Variants in WDR62 observed in about 807,000 individuals in gnomAD.
The protein encoded by WDR62 is WD repeat domain 62.
In WDR62, 112 loss-of-function variants were observed where a neutral mutation model predicts 160.6. That is an observed-to-expected ratio of 0.70 (90% CI 0.60 to 0.82). The LOEUF (loss-of-function observed/expected upper bound fraction) is 0.82, where lower values mean the gene tolerates loss of function less well. WDR62 is among the 40% of genes least tolerant of loss of function. WDR62 has a pLI of 0.00. For synonymous variants in WDR62, 792 were observed against 815.1 expected (o/e 0.97, Z 0.48); for missense variants, 1,819 against 1,983.8 (o/e 0.92, Z 1.58).
chr19:36,108,697 T>A (rs545617234), downstream of WDR62, among the ~76,000 whole-genome samples: 66 of 151,820 alleles, frequency 4.3e-4, no homozygotes, highest in South Asian at 0.013. Flanking sequence ...CTACAAAAAA[T>A]TTTAAAATTA....
chr19:36,071,477 G>A, intron 7 of WDR62, 79 bp from the exon 8 acceptor site: 1 of 1,564,828 alleles, frequency 6.4e-7, no homozygotes, highest in African/African-American at 1.3e-5. Context: ...GAGGCCTAAG[G>A]CTGCTCTGTC....
rs35753706 is a variant in WDR62, at chr19:36,085,414, C to CTTTTTTTTTTTTTTTTTTTTTTTTT, written c.1642+693_1642+694insTTTTTTTTTTTTTTTTTTTTTTTTT. ...TAGGGCATGAGCCACCACACCTGAC[C>CTTTTTTTTTTTTTTTTTTTTTTTTT]TTTTTTTTTTTTTTTTTTTTTTTGA... On this transcript the variant is annotated intron_variant, in intron 12 of 31. Coordinates refer to ENST00000401500, the MANE Select transcript of WDR62 (RefSeq NM_001083961.2). Among the ~76,000 whole-genome samples, 2 of 70,402 alleles carry CTTTTTTTTTTTTTTTTTTTTTTTTT rather than the reference C, an allele frequency of 2.8e-5. 1 individual carries two copies. Among genetic ancestry groups the CTTTTTTTTTTTTTTTTTTTTTTTTT allele is most frequent in the African/African-American group, 9.3e-5 (2 of 21,472 alleles). 46.2% of individuals were successfully genotyped at this position (70,402 alleles called of 152,430 possible).
intron 9 of WDR62, among the ~76,000 whole-genome samples, chr19:36,076,414 C>T (rs983831867): frequency 3.9e-5 from 6 of 151,968 alleles, no homozygotes; most frequent in East Asian, 1.9e-4. Flanking sequence ...AAAAATTAGC[C>T]GGGCATGGTG....
Position 36,069,096 on chromosome 19 carries a change from G to A in WDR62, c.882+1086G>A, listed in dbSNP as rs527346341. ...GGGGCTAACCCCCCACCTCCCTCCC[G>A]GACGGAGCGGCTGGCCGGGCGGGGG... is the stretch of plus-strand genomic sequence containing the variant. On this transcript the variant is annotated intron_variant, in intron 7 of 31. Transcript: ENST00000401500. Among the ~76,000 whole-genome samples, 208 of 150,396 alleles carry A rather than the reference G, an allele frequency of 1.4e-3. 2 individuals carry two copies. The highest frequency in any genetic ancestry group is 5.0e-3 in the African/African-American group (203 of 40,984).
rs1008506596 is a variant in WDR62 at position 36,092,904 on chromosome 19, C to G, written c.2333+93C>G. ...GGGACACAGTGGTGGCCAAGACAGC[C>G]CTAGGCCCTGCCCTTAGCACACTCA... On this transcript the variant is annotated intron_variant, in intron 19 of 31. Transcript: ENST00000401500. 2.5e-6 allele frequency: 4 copies of G among 1,589,702 alleles called. No homozygotes were observed. The African/African-American group carries it at 4.0e-5, about 16-fold the overall frequency.
At chr19:36,075,026 A>G in intron 9 of WDR62, 1 of 148,830 alleles carries the variant, frequency 6.7e-6, no homozygotes, top group Non-Finnish European at 1.5e-5. Flanking sequence ...TACTGCTTCT[A>G]CCCTCTTCTC....
rs771754551 is a variant in WDR62 at position 36,055,166 on chromosome 19, A to C, written c.177+18A>C. The C allele has an allele frequency of 1.2e-6, 2 of 1,601,704 alleles. No homozygotes were observed. The highest frequency in any genetic ancestry group is 1.7e-6 in the Non-Finnish European group (2 of 1,175,246). On this transcript the variant is annotated intron_variant, in intron 1 of 31. Coordinates refer to ENST00000401500, the MANE Select transcript of WDR62 (RefSeq NM_001083961.2). ...AGAACCGGGTGAGAAGCTGCTCGCCATGTCTACCCCAGTTCCAGGCTTCCT... is the reference window on the plus strand; with the variant it reads ...AGAACCGGGTGAGAAGCTGCTCGCCCTGTCTACCCCAGTTCCAGGCTTCCT...
At chr19:36,099,844 G>T (rs1190568715) in intron 22 of WDR62, among the ~76,000 whole-genome samples, 1 of 152,232 alleles carries the variant, frequency 6.6e-6, no homozygotes, top group African/African-American at 2.4e-5. Context: ...TGCTAGAGCA[G>T]GCTTGTACCC....
At chr19:36,087,675 C>T (rs951436773) in intron 13 of WDR62, among the ~76,000 whole-genome samples, 2 of 151,604 alleles carry the variant, frequency 1.3e-5, no homozygotes, top group Admixed American at 6.6e-5. Flanking sequence ...AAAAAGTAAC[C>T]GGGCATGGTG....
chr19:36,065,267 C>T (rs990624513), intron 3 of WDR62, among the ~76,000 whole-genome samples: 3 of 151,958 alleles, frequency 2.0e-5, no homozygotes, highest in Non-Finnish European at 2.9e-5. Flanking sequence ...TCTCACTTAG[C>T]GACATTTACT....
Position 36,099,543 on chromosome 19 carries a change from A to G in WDR62, c.2665A>G (p.Met889Val). The G allele has an allele frequency of 1.2e-6, 2 of 1,614,170 alleles. No homozygotes were observed. Among genetic ancestry groups the G allele is most frequent in the African/African-American group, 1.3e-5 (1 of 75,046 alleles). The change falls in exon 22 of 32, where the codon ATG becomes GTG. Residue 889 changes from methionine to valine, a missense_variant. By Grantham distance (21) the Met-to-Val change is conservative. Transcript: ENST00000401500. ...AQDLDCYFTP[M>V]KPESLENSIL... ...GGACCTGGATTGCTACTTTACCCCC[A>G]TGAAGCCCGAGAGTCTGGAGAACTC...
intron 13 of WDR62, among the ~76,000 whole-genome samples, chr19:36,087,222 A>T (rs1261445891): frequency 6.8e-6 from 1 of 148,130 alleles, no homozygotes; most frequent in Admixed American, 6.7e-5. Context: ...AAAAAAGAAT[A>T]ATGGCCAGGT....
intron 9 of WDR62, among the ~76,000 whole-genome samples, chr19:36,080,218 C>T (rs1292632749): frequency 2.6e-5 from 4 of 151,760 alleles, no homozygotes; most frequent in African/African-American, 9.7e-5. Flanking sequence ...CGCCATTCTC[C>T]TGCCTCAGCC....
chr19:36,058,959 C>T (rs1970505012), intron 2 of WDR62, 88 bp downstream of exon 2: 14 of 1,094,300 alleles, frequency 1.3e-5, no homozygotes, highest in Non-Finnish European at 1.8e-5. Context: ...CTCTGAGCCT[C>T]ATATTTTTCA....
intron 1 of WDR62, among the ~76,000 whole-genome samples, chr19:36,057,595 A>G (rs1271278261): frequency 6.6e-6 from 1 of 151,322 alleles, no homozygotes; most frequent in Non-Finnish European, 1.5e-5. Flanking sequence ...GCTCACTGCA[A>G]CCTCCGCCTC....
chr19:36,071,724 C>T lies in WDR62; in HGVS notation c.1043+8C>T, dbSNP rs1356798673. The T allele has an allele frequency of 1.2e-6, 2 of 1,608,138 alleles. No individual in the cohort carries two copies. The highest frequency in any genetic ancestry group is 2.2e-5 in the East Asian group (1 of 44,730). On this transcript the variant is annotated splice_region_variant and intron_variant, in intron 8 of 31. Coordinates refer to ENST00000401500, the MANE Select transcript of WDR62 (RefSeq NM_001083961.2). ...ACAGGGCCTGGAGCCCAGGTACTGC[C>T]CTGTGGGGAGAGGGAATGGGAGGGG...
chr19:36,104,612 G>C lies in WDR62; in HGVS notation c.4248G>C (p.Arg1416Ser). The C allele has an allele frequency of 2.5e-6, 4 of 1,614,096 alleles. No homozygotes were observed. The highest frequency in any genetic ancestry group is 3.4e-6 in the Non-Finnish European group (4 of 1,180,038). ...CCCCATCTCCCCTTGAGCTGAGCAG[G>C]GTGGGGAACATCTTGCACAGGCTGC... is the stretch of plus-strand genomic sequence containing the variant. The part of the protein sequence containing the change: ...ALPPSPLELS[R>S]VGNILHRLQT... Residue 1416 changes from arginine (R) to serine (S), a missense_variant, in exon 31 of 32, where the codon AGG becomes AGC. This residue lies in a region of WDR62 where 770 missense variants were observed against 734.2 expected (regional missense o/e 1.05). Coordinates refer to ENST00000401500, the MANE Select transcript of WDR62 (RefSeq NM_001083961.2).
At position 36,091,483 on chromosome 19, in the gene WDR62, G is replaced by A. The variant is rs1249290591; in HGVS notation, c.2210+18G>A. ...GGAGACAGGTGGGACATGGACCTTT[G>A]GGAGAGTTGTGGCTCAGATACCATG... On this transcript the variant is annotated intron_variant, in intron 18 of 31. Transcript: ENST00000401500. 5 of 1,613,100 alleles carry A rather than the reference G, an allele frequency of 3.1e-6. No individual in the cohort carries two copies. The highest frequency in any genetic ancestry group is 4.2e-6 in the Non-Finnish European group (5 of 1,179,332).
intron 3 of WDR62, chr19:36,062,075 T>G (rs998341122): frequency 6.6e-6 from 1 of 152,016 alleles, no homozygotes; most frequent in Non-Finnish European, 1.5e-5. Flanking sequence ...GCCCCCCAGG[T>G]GGCTGGGACC....
Sources: allele counts gnomAD v4.1 joint callset (sites outside exome capture counted in the v4.1 genomes callset), GRCh38; gene constraint gnomAD v4.1.1; regional missense constraint gnomAD v4.1.1; transcripts MANE v1.5; gene names NCBI Gene and HGNC (gene_info 2026-07-23, HGNC 2026-07-21).